Variants in HMCN1 observed in about 807,000 individuals in gnomAD.
The protein encoded by HMCN1 is hemicentin 1, also known as hemicentin-1.
A neutral mutation model predicts 625.9 loss-of-function variants in HMCN1; 321 were observed. That is an observed-to-expected ratio of 0.51 (90% CI 0.47 to 0.56). The LOEUF (loss-of-function observed/expected upper bound fraction) is 0.56. Among genes scored for constraint, HMCN1 ranks in the 20% least tolerant of loss-of-function variants. The pLI is 0.00. For missense variants in HMCN1, 6,588 were observed against 6,887.3 expected, an observed-to-expected ratio of 0.96 and a Z score of 1.54; for synonymous variants, 2,425 against 2,417.6, an observed-to-expected ratio of 1.00 and a Z score of -0.09.
In HMCN1 at chr1:186,062,706, C is replaced by T. The variant is rs546698488; in HGVS notation, c.7513+106C>T. On this transcript the variant is annotated intron_variant, in intron 48 of 106. Transcript: ENST00000271588. The stretch of plus-strand genomic sequence containing the variant: ...TTTATATATTTAGGGGGTACAAGTG[C>T]GGTTTTGTTACATGGATATATTGAG... 3.7e-4 allele frequency: 278 copies of T among 744,206 alleles called. 7 individuals are homozygous for T. The highest frequency in any genetic ancestry group is 3.5e-3 in the South Asian group (242 of 68,448). The allele number at this position is 744,206 out of a possible 1,614,324, so 46.1% of individuals were successfully genotyped here. A position where few individuals can be genotyped will look rare whatever the true frequency, so the allele number is the denominator to read the frequency against.
At position 185,846,108 on chromosome 1, in the gene HMCN1, C is replaced by CT; in HGVS notation, c.339+15dup. 6.3e-7 allele frequency: 1 copy of CT among 1,582,408 alleles called. No homozygotes were observed. Among genetic ancestry groups the CT allele is most frequent in the Non-Finnish European group, 8.7e-7 (1 of 1,151,546 alleles). ...AACTGTATGTTCAGGTGAGTGCTTG[C>CT]TTTCAGTGTTCTCTTGGGGGAATGG... On this transcript the variant is annotated intron_variant, in intron 2 of 106. Coordinates refer to ENST00000271588, the MANE Select transcript of HMCN1 (RefSeq NM_031935.3).
chr1:185,893,006 C>G (rs996247410), intron 4 of HMCN1, among the ~76,000 whole-genome samples: 16 of 152,194 alleles, frequency 1.1e-4, no homozygotes, highest in Admixed American at 1.0e-3. Context: ...GGGATATAAT[C>G]TCGTGGTGCG....
At chr1:186,040,025 T>C (rs1571762067) in intron 39 of HMCN1, 146 bp downstream of exon 39, 2 of 792,240 alleles carry the variant, frequency 2.5e-6, no homozygotes, top group Non-Finnish European at 4.3e-6. Flanking sequence ...ATAAACACCA[T>C]GGACACATAA....
At position 185,970,402 on chromosome 1, in the gene HMCN1, A is replaced by G. The variant is rs369529232; in HGVS notation, c.2280A>G (p.Gln760=). ...CTCTCTTGGGACTTTTGAAGATTCA[A>G]GAAACACAAGATCTGGATGCTGGCG... ...IDPLLGLLKI[Q]ETQDLDAGDY... The change falls in exon 15 of 107, where the codon CAA becomes CAG. Residue 760 remains glutamine, a synonymous_variant. Transcript: ENST00000271588. 9 of 1,613,838 alleles carry G rather than the reference A, an allele frequency of 5.6e-6. No individual in the cohort carries two copies. Among genetic ancestry groups the G allele is most frequent in the Non-Finnish European group, 7.6e-6 (9 of 1,179,722 alleles).
chr1:186,074,666 A>T (rs1208134716), intron 52 of HMCN1, 75 bp from the exon 53 acceptor site: 1 of 1,326,712 alleles, frequency 7.5e-7, no homozygotes, highest in East Asian at 2.3e-5. Flanking sequence ...AAAATCACAA[A>T]AACTATCAAC....
Position 186,116,976 on chromosome 1 carries a change from T to G in HMCN1, c.11562-18T>G, listed in dbSNP as rs1449956697. 1 of 1,612,044 alleles carries G rather than the reference T, an allele frequency of 6.2e-7. No individual in the cohort carries two copies. The highest frequency in any genetic ancestry group is 8.5e-7 in the Non-Finnish European group (1 of 1,178,588). On this transcript the variant is annotated intron_variant, in intron 75 of 106. Transcript: ENST00000271588. ...AAACCTACATATAGTATCTCATGCT[T>G]TGAAATGTGTCTTCTAGGCTCCTTT...
At chr1:186,177,303 CAA>C (rs58160762) in intron 103 of HMCN1, 156 of 123,948 alleles carry the variant, frequency 1.3e-3, no homozygotes, top group Middle Eastern at 4.2e-3. Flanking sequence ...AACTCCATCT[CAA>C]AAAAAAAAAA....
chr1:186,155,812 TA>T (rs1167599672), intron 97 of HMCN1, among the ~76,000 whole-genome samples: 5 of 152,316 alleles, frequency 3.3e-5, no homozygotes, highest in Admixed American at 1.3e-4. Context: ...GAGCAACCAT[TA>T]GGGGGCAAGC....
chr1:185,826,461 G>A (rs1207336936), intron 1 of HMCN1, among the ~76,000 whole-genome samples: 3 of 152,164 alleles, frequency 2.0e-5, no homozygotes, highest in Admixed American at 2.0e-4. Context: ...GAAAACAGTG[G>A]AGGCAGTGCA....
chr1:186,165,227 A>G, intron 98 of HMCN1, 54 bp downstream of exon 98: 1 of 1,415,064 alleles, frequency 7.1e-7, no homozygotes, highest in Admixed American at 1.7e-5. Flanking sequence ...TCAATATTGG[A>G]TAGCATTTAA....
chr1:186,079,411 G>A (rs2102372296), intron 55 of HMCN1, among the ~76,000 whole-genome samples: 1 of 152,292 alleles, frequency 6.6e-6, no homozygotes, highest in South Asian at 2.1e-4. Context: ...GTCAAGCCAT[G>A]CTATGCCATG....
intron 1 of HMCN1, among the ~76,000 whole-genome samples, chr1:185,811,312 A>G (rs1659497965): frequency 1.3e-5 from 2 of 152,092 alleles, no homozygotes; most frequent in African/African-American, 4.8e-5. Context: ...AACTTAATAC[A>G]TTGATATAGG....
At chr1:186,069,991 C>G (rs1658385895) in intron 51 of HMCN1, among the ~76,000 whole-genome samples, 1 of 152,212 alleles carries the variant, frequency 6.6e-6, no homozygotes, top group Admixed American at 6.5e-5. Context: ...GCTCATTACT[C>G]TCTGTTGGAG....
chr1:186,039,094 A>T, intron 38 of HMCN1, 89 bp downstream of exon 38: 2 of 899,676 alleles, frequency 2.2e-6, no homozygotes, highest in Non-Finnish European at 3.8e-6. Context: ...GTAAGTATTT[A>T]ACAGAATGTG....
intron 11 of HMCN1, among the ~76,000 whole-genome samples, chr1:185,941,432 T>C (rs1447267414): frequency 6.6e-6 from 1 of 152,232 alleles, no homozygotes; most frequent in Non-Finnish European, 1.5e-5. Flanking sequence ...AATGTTAAGT[T>C]AGAACATCTG....
At position 185,989,501 on chromosome 1, in the gene HMCN1, T is replaced by C. The variant is rs147245484; in HGVS notation, c.3062T>C (p.Ile1021Thr). The C allele has an allele frequency of 4.4e-5, 71 of 1,613,876 alleles. No homozygotes were observed. The highest frequency in any genetic ancestry group is 5.9e-5 in the Non-Finnish European group (70 of 1,180,002). Residue 1021 changes from isoleucine to threonine, a missense_variant, in exon 21 of 107, where the codon ATT becomes ACT. Transcript: ENST00000271588. ...CGTGTTTTGCAGAAAGGAGAGCTGATTTCAACCAGCAGTGCTAAGTTTTCA... is the reference window on the plus strand; with the variant it reads ...CGTGTTTTGCAGAAAGGAGAGCTGACTTCAACCAGCAGTGCTAAGTTTTCA... Reference protein sequence around the residue: ...SVIWSKKGELISTSSAKFSAG... With the variant: ...SVIWSKKGELTSTSSAKFSAG...
chr1:186,152,770 C>G lies in HMCN1; in HGVS notation c.14917C>G (p.His4973Asp), dbSNP rs2102578274. The change falls in exon 96 of 107, where the codon CAT (histidine) becomes GAT (aspartate). Residue 4973 changes from histidine to aspartate, a missense_variant. By Grantham distance (81) the His-to-Asp change is moderately conservative. This residue lies in a region of HMCN1 where 1,954 missense variants were observed against 2,013.1 expected (regional missense o/e 0.97). Transcript: ENST00000271588. The part of the protein sequence containing the change: ...FATGEILQMS[H>D]IARGLDSDGS... The stretch of plus-strand genomic sequence containing the variant: ...CCCAGGAGAAATCTTGCAGATGAGT[C>G]ATATTGCCCGGGGCTTGGATTCCGA... The G allele has an allele frequency of 1.2e-6, 2 of 1,613,920 alleles. No homozygotes were observed. The highest frequency in any genetic ancestry group is 4.5e-5 in the East Asian group (2 of 44,862).
At chr1:186,015,698 T>A (rs1385595162) in intron 31 of HMCN1, among the ~76,000 whole-genome samples, 2 of 152,116 alleles carry the variant, frequency 1.3e-5, no homozygotes, top group Admixed American at 1.3e-4. Flanking sequence ...AAAGGCAAAG[T>A]AGTTGTTGGG....
chr1:186,108,965 A>G (rs924252221), intron 71 of HMCN1, among the ~76,000 whole-genome samples: 1 of 152,218 alleles, frequency 6.6e-6, no homozygotes, highest in East Asian at 1.9e-4. Flanking sequence ...TCTAGGGAGA[A>G]TGCTTCTTTT....
Sources: allele counts gnomAD v4.1 joint callset (sites outside exome capture counted in the v4.1 genomes callset), GRCh38; gene constraint gnomAD v4.1.1; regional missense constraint gnomAD v4.1.1; transcripts MANE v1.5; gene names NCBI Gene and HGNC (gene_info 2026-07-23, HGNC 2026-07-21).